LPCAT1: variants seen among roughly 807,000 people sequenced by gnomAD.
LPCAT1 encodes the protein 1-acylglycerol-3-phosphate O-acyltransferase.
LPCAT1 carries 23 observed loss-of-function variants against 60.9 expected under a neutral mutation model. The ratio of observed to expected loss-of-function variants is 0.38; its 90% confidence interval spans 0.27 to 0.53. LPCAT1 has a LOEUF of 0.53. Ranked by LOEUF, LPCAT1 falls within the 20% of genes least tolerant of loss-of-function variation. The probability of loss-of-function intolerance (pLI) is 0.82; values close to 1 mark genes in which losing one functional copy is unlikely to be tolerated. For missense variants in LPCAT1, 622 were observed against 723.6 expected, an observed-to-expected ratio of 0.86 and a Z score of 1.61; for synonymous variants, 340 against 301.1, an observed-to-expected ratio of 1.13 and a Z score of -1.34.
chr5:1,513,870 C>G (rs981873645), intron 1 of LPCAT1, among the ~76,000 whole-genome samples: 3 of 148,550 alleles, frequency 2.0e-5, no homozygotes, highest in Non-Finnish European at 3.0e-5. Flanking sequence ...GCAGGACACC[C>G]TGTGATTACA....
At position 1,489,804 on chromosome 5, in the gene LPCAT1, C is replaced by T. The variant is rs1308150369; in HGVS notation, c.548G>A (p.Arg183His). The change falls in exon 4 of 14, where the codon CGC (arginine) becomes CAC (histidine). Residue 183 changes from arginine (R) to histidine (H), a missense_variant. Transcript: ENST00000283415. ...VFVSRSDQDS[R>H]RKTVEEIKRR... is the part of the protein sequence containing the mutation. The stretch of plus-strand genomic sequence containing the variant: ...CTTGATTTCTTCTACTGTTTTCCTG[C>T]GAGAATCCTGGTCTGACCGGGACAC... 3 of 1,614,082 alleles carry T rather than the reference C, an allele frequency of 1.9e-6. No individual in the cohort carries two copies. The highest frequency in any genetic ancestry group is 2.5e-6 in the Non-Finnish European group (3 of 1,180,016).
At chr5:1,465,157 AACATG>A (rs1340015368) in intron 13 of LPCAT1, among the ~76,000 whole-genome samples, 14 of 138,718 alleles carry the variant, frequency 1.0e-4, no homozygotes, top group African/African-American at 1.4e-4. Flanking sequence ...GCGGTAACTA[AACATG>A]CATGCACACA....
chr5:1,463,269 G>A lies in LPCAT1; in HGVS notation c.*382C>T, dbSNP rs565344932. On this transcript the variant is annotated 3_prime_UTR_variant, in exon 14 of 14. Transcript: ENST00000283415. ...CGCAAGCGCACGCTGTGTGGCAGGC[G>A]TGTGCTGAGTGTGCACGGAGGCCCG... The A allele has an allele frequency of 5.0e-6, 1 of 199,812 alleles. No homozygotes were observed. The highest frequency in any genetic ancestry group is 1.0e-5 in the Non-Finnish European group (1 of 98,212). 12.4% of individuals were successfully genotyped at this position (199,812 alleles called of 1,614,324 possible).
At chr5:1,472,796 G>C (rs974998914) in intron 11 of LPCAT1, among the ~76,000 whole-genome samples, 2 of 152,028 alleles carry the variant, frequency 1.3e-5, no homozygotes, top group African/African-American at 4.8e-5. Flanking sequence ...CCGCGGCTGG[G>C]GGCCCCTTAC....
intron 9 of LPCAT1, among the ~76,000 whole-genome samples, chr5:1,475,931 T>C (rs1734896909): frequency 6.6e-6 from 1 of 152,190 alleles, no homozygotes; most frequent in Non-Finnish European, 1.5e-5. Context: ...CTCCCTCCCA[T>C]GTTCCTTGGT....
chr5:1,518,311 G>C (rs1478737292), intron 1 of LPCAT1, among the ~76,000 whole-genome samples: 2 of 152,246 alleles, frequency 1.3e-5, no homozygotes, highest in Non-Finnish European at 2.9e-5. Flanking sequence ...ACCCCAGGTT[G>C]CTTGTCCCGG....
chr5:1,501,334 C>G (rs1735995636), intron 2 of LPCAT1, 127 bp downstream of exon 2: 3 of 1,339,526 alleles, frequency 2.2e-6, no homozygotes, highest in Non-Finnish European at 3.0e-6. Context: ...CTGGTGGACG[C>G]TGGGCTCAGA....
rs928397883 is a variant in LPCAT1 at position 1,522,076 on chromosome 5, G to A, written c.135+1634C>T. 6.6e-6 allele frequency among the ~76,000 whole-genome samples: 1 copy of A among 152,220 alleles called. No homozygotes were observed. Among genetic ancestry groups the A allele is most frequent in the Non-Finnish European group, 1.5e-5 (1 of 68,040 alleles). Reference sequence around the variant, plus strand: ...GGAGGGAGTAGGAAAGGCAGGAAGAGAGAGCATGCCTGAGGCAGCCATAGC... The same window carrying A: ...GGAGGGAGTAGGAAAGGCAGGAAGAAAGAGCATGCCTGAGGCAGCCATAGC... On this transcript the variant is annotated intron_variant, in intron 1 of 13. Coordinates refer to ENST00000283415, the MANE Select transcript of LPCAT1 (RefSeq NM_024830.5). The surrounding 1 kb of genome is among the most constrained non-coding windows in gnomAD (Gnocchi z 6.8).
In LPCAT1 at chr5:1,463,522, C is replaced by T. The variant is rs1734192731; in HGVS notation, c.*129G>A. 3.0e-6 allele frequency: 3 copies of T among 1,000,980 alleles called. No individual in the cohort carries two copies. The highest frequency in any genetic ancestry group is 5.5e-5 in the Admixed American group (2 of 36,264). 62.0% of individuals were successfully genotyped at this position (1,000,980 alleles called of 1,614,324 possible). On this transcript the variant is annotated 3_prime_UTR_variant, in exon 14 of 14. Transcript: ENST00000283415. Reference sequence around the variant, plus strand: ...AAGATACAAACAGCCCCCGAGGCCCCTGGAACTCGGGCTGAAGACAGTGCC... The same window carrying T: ...AAGATACAAACAGCCCCCGAGGCCCTTGGAACTCGGGCTGAAGACAGTGCC...
At chr5:1,499,639 ACCCAGGCTGC>A (rs1329495588) in intron 2 of LPCAT1, among the ~76,000 whole-genome samples, 1 of 152,190 alleles carries the variant, frequency 6.6e-6, no homozygotes, top group Non-Finnish European at 1.5e-5. Context: ...CCCCTAAAGA[ACCCAGGCTGC>A]CCCAGGTCAC....
chr5:1,498,586 T>C (rs186560962), intron 2 of LPCAT1, among the ~76,000 whole-genome samples: 1 of 152,060 alleles, frequency 6.6e-6, no homozygotes, highest in Non-Finnish European at 1.5e-5. Flanking sequence ...CATATGTACA[T>C]ACATCATACA....
chr5:1,517,546 C>T (rs1350601833), intron 1 of LPCAT1, among the ~76,000 whole-genome samples: 2 of 152,240 alleles, frequency 1.3e-5, no homozygotes, highest in Non-Finnish European at 2.9e-5. Context: ...AGGCACCGGG[C>T]ATGGGCCAGA....
intron 1 of LPCAT1, among the ~76,000 whole-genome samples, chr5:1,518,669 C>T (rs777629991): frequency 1.3e-5 from 2 of 152,224 alleles, no homozygotes; most frequent in African/African-American, 4.8e-5. Flanking sequence ...GCACCTGCTG[C>T]GGCCAGCACC....
At position 1,463,783 on chromosome 5, in the gene LPCAT1, C is replaced by G; in HGVS notation, c.1473G>C (p.Leu491=). 1 of 1,614,232 alleles carries G rather than the reference C, an allele frequency of 6.2e-7. No individual in the cohort carries two copies. The highest frequency in any genetic ancestry group is 1.1e-5 in the South Asian group (1 of 91,090). The change falls in exon 14 of 14, where the codon CTG becomes CTC. Residue 491 remains leucine, a synonymous_variant. Coordinates refer to ENST00000283415, the MANE Select transcript of LPCAT1 (RefSeq NM_024830.5). ...TTTCGAAATGTGTCTGATCCGGGTA[C>G]AGGTATTCCTCTGCGAAGGCAGGGT... ...EMYPAFAEEY[L]YPDQTHFESC...
chr5:1,467,034 A>C (rs1734442656), intron 12 of LPCAT1, 144 bp from the exon 13 acceptor site: 1 of 827,112 alleles, frequency 1.2e-6, no homozygotes, highest in African/African-American at 1.8e-5. Context: ...GGGGGACTCG[A>C]ACTTCCATGT....
chr5:1,464,446 T>C (rs535541047), intron 13 of LPCAT1, among the ~76,000 whole-genome samples: 1 of 152,308 alleles, frequency 6.6e-6, no homozygotes, highest in South Asian at 2.1e-4. Context: ...AATCCAGGGA[T>C]GGTTGTTACT....
intron 2 of LPCAT1, 30 bp from the exon 3 acceptor site, chr5:1,494,944 C>A: frequency 6.4e-7 from 1 of 1,553,360 alleles, no homozygotes; most frequent in Non-Finnish European, 8.7e-7. Context: ...GTCACGCGGG[C>A]ACACGTCCGC....
In LPCAT1 at chr5:1,523,552, G is replaced by A. The variant is rs935575128; in HGVS notation, c.135+158C>T. Among the ~76,000 whole-genome samples the A allele has an allele frequency of 2.0e-5, 3 of 150,314 alleles. No homozygotes were observed. The highest frequency in any genetic ancestry group is 7.3e-5 in the African/African-American group (3 of 41,178). Reference sequence around the variant, plus strand: ...CATCGGGTGCGGGCGGCGGGGACGCGAACTGAGGGGCGGCCGCGGGGAGGG... The same window carrying A: ...CATCGGGTGCGGGCGGCGGGGACGCAAACTGAGGGGCGGCCGCGGGGAGGG... On this transcript the variant is annotated intron_variant, in intron 1 of 13. Coordinates refer to ENST00000283415, the MANE Select transcript of LPCAT1 (RefSeq NM_024830.5). This position sits in a 1 kb window ranked among gnomAD's most constrained non-coding sequence, Gnocchi z 7.1.
chr5:1,461,560 TGGCCCCCAGGCCACCAGG>T lies in LPCAT1; in HGVS notation c.*2073_*2090del, dbSNP rs1372104631. On this transcript the variant is annotated 3_prime_UTR_variant, in exon 14 of 14. Transcript: ENST00000283415. ...CCCATGCCCCACCTGCCCACGGGTC[TGGCCCCCAGGCCACCAGG>T]GGCCCGCTGCGTCCTGTCTCACACA... 1 of 152,706 alleles carries T rather than the reference TGGCCCCCAGGCCACCAGG, an allele frequency of 6.5e-6. No individual in the cohort carries two copies. The highest frequency in any genetic ancestry group is 6.5e-5 in the Admixed American group (1 of 15,284). 9.5% of individuals were successfully genotyped at this position (152,706 alleles called of 1,614,324 possible).
Sources: allele counts gnomAD v4.1 joint callset (sites outside exome capture counted in the v4.1 genomes callset), GRCh38; gene constraint gnomAD v4.1.1; non-coding constraint Gnocchi (gnomAD v3.1); transcripts MANE v1.5; gene names NCBI Gene and HGNC (gene_info 2026-07-23, HGNC 2026-07-21).